The following MEGF11 variants were observed in gnomAD, a reference collection of about 807,000 sequenced individuals.
The protein encoded by MEGF11 is multiple epidermal growth factor-like domains protein 11.
MEGF11 carries 126 observed loss-of-function variants against 146.6 expected under a neutral mutation model. The observed-to-expected ratio is 0.86, with a 90% CI of 0.74 to 1.00. The LOEUF is 1.00. MEGF11 is among the 50% of genes least tolerant of loss of function. The probability of loss-of-function intolerance (pLI) is 0.00; values close to 1 mark genes in which losing one functional copy is unlikely to be tolerated. For synonymous variants in MEGF11, 532 were observed against 583.4 expected (o/e 0.91, Z 1.27); for missense variants, 1,509 against 1,521.2 (o/e 0.99, Z 0.13).
chr15:66,027,959 G>A (rs1303957263), intron 5 of MEGF11, among the ~76,000 whole-genome samples: 1 of 152,090 alleles, frequency 6.6e-6, no homozygotes, highest in African/African-American at 2.4e-5. Flanking sequence ...GAATATTCAG[G>A]GTCAAAAAAG....
intron 4 of MEGF11, among the ~76,000 whole-genome samples, chr15:66,095,156 C>T (rs770773060): frequency 2.0e-5 from 3 of 152,228 alleles, no homozygotes; most frequent in Non-Finnish European, 2.9e-5. Flanking sequence ...GCTGCAGCCT[C>T]CTGAGGTGGG....
rs191483232 is a variant in MEGF11 at position 66,019,462 on chromosome 15, G to A, written c.395-36974C>T. On this transcript the variant is annotated intron_variant, in intron 5 of 25. Coordinates refer to ENST00000395614, the MANE Select transcript of MEGF11 (RefSeq NM_001385028.1). ...CCCCATGAATATTTCATTTGCAAGA[G>A]GCTGGCCCCTCCTGCGGCTGCCTTG... Among the ~76,000 whole-genome samples the A allele has an allele frequency of 5.8e-3, 878 of 152,322 alleles. 10 individuals are homozygous for A. Among genetic ancestry groups the A allele is most frequent in the Non-Finnish European group, 5.8e-3 (396 of 68,024 alleles).
intron 5 of MEGF11, among the ~76,000 whole-genome samples, chr15:66,036,200 C>A (rs765313240): frequency 6.6e-6 from 1 of 152,252 alleles, no homozygotes; most frequent in Non-Finnish European, 1.5e-5. Flanking sequence ...CAAGTCCACG[C>A]TGCATGATTC....
At chr15:66,049,024 C>G (rs2084343694) in intron 5 of MEGF11, among the ~76,000 whole-genome samples, 2 of 152,190 alleles carry the variant, frequency 1.3e-5, no homozygotes, top group South Asian at 4.1e-4. Flanking sequence ...AGAGGAAGGG[C>G]TGCAGAAGAG....
At chr15:65,934,391 C>T (rs889809557) in intron 10 of MEGF11, among the ~76,000 whole-genome samples, 21 of 152,312 alleles carry the variant, frequency 1.4e-4, no homozygotes, top group Admixed American at 7.2e-4. Context: ...GCTGGGATTA[C>T]AGGCATGTGC....
chr15:66,151,960 G>A (rs2089585732), intron 1 of MEGF11, among the ~76,000 whole-genome samples: 1 of 152,216 alleles, frequency 6.6e-6, no homozygotes, highest in Admixed American at 6.5e-5. Flanking sequence ...CCTGCCATGG[G>A]GCGGGGGGCA....
At chr15:66,125,686 T>C (rs1393284090) in intron 2 of MEGF11, among the ~76,000 whole-genome samples, 1 of 152,190 alleles carries the variant, frequency 6.6e-6, no homozygotes, top group Non-Finnish European at 1.5e-5. Context: ...GCTTAAACAG[T>C]AAGTGTTTAA....
Position 66,167,070 on chromosome 15 carries a change from C to T in MEGF11, c.-8-38659G>A, listed in dbSNP as rs185597672. Among the ~76,000 whole-genome samples, 349 of 152,218 alleles carry T rather than the reference C, an allele frequency of 2.3e-3. 5 individuals are homozygous for T. The highest frequency in any genetic ancestry group is 4.1e-4 in the South Asian group (2 of 4,824). ...GGGGCATCCTCTCTCCTCACCTGAA[C>T]GCTGACTTACAGCCCTGCCTTTCAT... On this transcript the variant is annotated intron_variant, in intron 1 of 25. Transcript: ENST00000395614.
intron 1 of MEGF11, among the ~76,000 whole-genome samples, chr15:66,211,359 T>TA (rs1408375019): frequency 7.9e-5 from 12 of 151,536 alleles, no homozygotes; most frequent in Admixed American, 1.3e-4. Flanking sequence ...CCGTCTCTAC[T>TA]AAAAATACAA....
At chr15:65,969,601 T>C (rs1596929704) in intron 8 of MEGF11, among the ~76,000 whole-genome samples, 1 of 152,350 alleles carries the variant, frequency 6.6e-6, no homozygotes, top group East Asian at 1.9e-4. Flanking sequence ...CTGATTCTAG[T>C]GGGAGCTGGA....
At chr15:66,118,604 C>T (rs917717135) in intron 4 of MEGF11, among the ~76,000 whole-genome samples, 2 of 152,184 alleles carry the variant, frequency 1.3e-5, no homozygotes, top group African/African-American at 4.8e-5. Context: ...TTGCCCCCAT[C>T]CTTTTCTTAC....
At chr15:66,170,091 C>T (rs1187455972) in intron 1 of MEGF11, among the ~76,000 whole-genome samples, 1 of 152,032 alleles carries the variant, frequency 6.6e-6, no homozygotes, top group Non-Finnish European at 1.5e-5. Flanking sequence ...CATCTTTCTA[C>T]CAAAAAGACT....
intron 5 of MEGF11, among the ~76,000 whole-genome samples, chr15:66,002,014 TG>T (rs545246137): frequency 1.3e-5 from 2 of 152,074 alleles, no homozygotes; most frequent in Admixed American, 1.3e-4. Context: ...AATTGAATAC[TG>T]GGGGTGGGAA....
intron 5 of MEGF11, among the ~76,000 whole-genome samples, chr15:66,068,485 G>T (rs961855770): frequency 1.3e-5 from 2 of 152,176 alleles, no homozygotes; most frequent in African/African-American, 2.4e-5. Context: ...AAAAACCATT[G>T]ATCTAGTGAA....
At chr15:65,957,176 A>G (rs920860229) in intron 10 of MEGF11, among the ~76,000 whole-genome samples, 3 of 152,254 alleles carry the variant, frequency 2.0e-5, no homozygotes, top group Non-Finnish European at 4.4e-5. Context: ...ATGATAATTA[A>G]GAAGCCTAAG....
chr15:65,949,895 G>A (rs577492309), intron 10 of MEGF11, among the ~76,000 whole-genome samples: 25 of 152,338 alleles, frequency 1.6e-4, no homozygotes, highest in African/African-American at 5.8e-4. Flanking sequence ...GCATGGTGGA[G>A]CCGAGAAATC....
chr15:65,916,324 C>T, intron 17 of MEGF11, 48 bp from the exon 18 acceptor site: 1 of 1,530,092 alleles, frequency 6.5e-7, no homozygotes, highest in Non-Finnish European at 8.8e-7. Flanking sequence ...TGGGTGGGGA[C>T]AAGGGGGACA....
chr15:65,902,991 G>A (rs925033066), intron 24 of MEGF11, among the ~76,000 whole-genome samples: 5 of 152,134 alleles, frequency 3.3e-5, no homozygotes, highest in African/African-American at 4.8e-5. Context: ...CCCAGGCACC[G>A]AATATCCATC....
intron 1 of MEGF11, among the ~76,000 whole-genome samples, chr15:66,154,699 C>T (rs1303865928): frequency 4.6e-5 from 7 of 152,220 alleles, no homozygotes; most frequent in Non-Finnish European, 1.0e-4. Context: ...GAGAAAGACG[C>T]ACACACCTGG....
Sources: gnomAD v4.1 joint callset for allele counts (sites outside exome capture counted in the v4.1 genomes callset) on GRCh38, gnomAD v4.1.1 for gene constraint, MANE v1.5 for transcripts, NCBI Gene and HGNC (gene_info 2026-07-23, HGNC 2026-07-21) for gene names.